GBF1: variants seen among roughly 807,000 people sequenced by gnomAD.
GBF1 encodes golgi brefeldin A resistant guanine nucleotide exchange factor 1.
GBF1 carries 114 observed loss-of-function variants against 210.5 expected under a neutral mutation model. The ratio of observed to expected loss-of-function variants is 0.54; its 90% CI spans 0.47 to 0.63. The LOEUF (loss-of-function observed/expected upper bound fraction) is 0.63. Ranked by LOEUF, GBF1 falls within the 30% of genes least tolerant of loss-of-function variation. The pLI, the probability that GBF1 is intolerant of heterozygous loss-of-function variation, is 0.00. For synonymous variants in GBF1, 850 were observed against 889.2 expected, an observed-to-expected ratio of 0.96 and a Z score of 0.78; for missense variants, 1,851 against 2,357.7, an observed-to-expected ratio of 0.79 and a Z score of 4.45.
At chr10:102,361,983 A>T in intron 14 of GBF1, 71 bp downstream of exon 14, 1 of 760,312 alleles carries the variant, frequency 1.3e-6, no homozygotes, top group Non-Finnish European at 2.0e-6. Flanking sequence ...GGTAGTGAGG[A>T]TGTTACATAC....
intron 33 of GBF1, among the ~76,000 whole-genome samples, chr10:102,379,037 A>G (rs2060682001): frequency 1.3e-5 from 2 of 152,230 alleles, no homozygotes; most frequent in Admixed American, 1.3e-4. Context: ...AAGGATTGTG[A>G]AATACTCAGT....
At chr10:102,231,809 G>C in the GBF1 span, 2 of 1,593,200 alleles carry the variant, frequency 1.3e-6, no homozygotes, top group Admixed American at 3.4e-5. Context: ...CAGGGTGGGG[G>C]CAGGTCACAG....
intron 8 of GBF1, among the ~76,000 whole-genome samples, chr10:102,354,010 A>G (rs954242108): frequency 2.6e-5 from 4 of 152,188 alleles, no homozygotes; most frequent in Admixed American, 6.5e-5. Context: ...TAGAGAGGCT[A>G]TGTCCCAAAT....
intron 3 of GBF1, among the ~76,000 whole-genome samples, chr10:102,266,009 G>A (rs1041958244): frequency 3.3e-5 from 5 of 152,200 alleles, no homozygotes; most frequent in Non-Finnish European, 7.4e-5. Flanking sequence ...AGGCCGAGGC[G>A]GGCAGATCAC....
intron 3 of GBF1, among the ~76,000 whole-genome samples, chr10:102,297,703 A>G (rs185982084): frequency 1.1e-4 from 16 of 152,342 alleles, no homozygotes; most frequent in Admixed American, 3.3e-4. Flanking sequence ...TCCTTTGGAC[A>G]TAGAATTTGA....
At chr10:102,336,010 A>G (rs2057703148) in intron 3 of GBF1, among the ~76,000 whole-genome samples, 2 of 152,166 alleles carry the variant, frequency 1.3e-5, no homozygotes, top group Admixed American at 6.6e-5. Flanking sequence ...ATCTTAAGAA[A>G]TGAACTGGTG....
intron 33 of GBF1, 134 bp from the exon 34 acceptor site, chr10:102,379,150 G>A (rs374867244): frequency 1.4e-6 from 1 of 737,094 alleles, no homozygotes; most frequent in South Asian, 1.8e-5. Flanking sequence ...GGAAAGAGTA[G>A]CGAGGGGGTG....
chr10:102,266,307 C>G (rs558237294), intron 3 of GBF1, among the ~76,000 whole-genome samples: 1 of 152,164 alleles, frequency 6.6e-6, no homozygotes, highest in African/African-American at 2.4e-5. Context: ...ATTGTTCTAG[C>G]TTCTTAGACC....
At chr10:102,362,047 TTTC>T in intron 14 of GBF1, 135 bp downstream of exon 14, 10 of 403,894 alleles carry the variant, frequency 2.5e-5, no homozygotes, top group Non-Finnish European at 4.3e-5. Context: ...TTTCTTTTCT[TTTC>T]TTTTTTTTTT....
intron 3 of GBF1, among the ~76,000 whole-genome samples, chr10:102,301,512 G>A (rs1412506888): frequency 2.6e-5 from 4 of 152,222 alleles, no homozygotes; most frequent in Admixed American, 6.5e-5. Flanking sequence ...CCCAGACGGG[G>A]CGGCTGCCGG....
At chr10:102,312,569 G>GT in intron 3 of GBF1, among the ~76,000 whole-genome samples, 1 of 152,326 alleles carries the variant, frequency 6.6e-6, no homozygotes, top group Admixed American at 6.5e-5. Flanking sequence ...TCCATCCGTT[G>GT]TAAGGGAATG....
chr10:102,290,769 T>C (rs2076369499), intron 3 of GBF1, among the ~76,000 whole-genome samples: 1 of 152,198 alleles, frequency 6.6e-6, no homozygotes, highest in Admixed American at 6.5e-5. Flanking sequence ...CCTCCCAAAG[T>C]GTTGGGATTA....
intron 33 of GBF1, among the ~76,000 whole-genome samples, chr10:102,377,752 T>G (rs1589832331): frequency 6.6e-6 from 1 of 152,206 alleles, no homozygotes; most frequent in South Asian, 2.1e-4. Context: ...TCCATTCCTG[T>G]CCCCAGCTTC....
At position 102,382,141 on chromosome 10, in the gene GBF1, C is replaced by T. The variant is rs1359237055; in HGVS notation, c.5388C>T (p.Pro1796=). The part of the protein sequence containing the change: ...PVASSPSRLS[P]TPDGPPPLAQ... ...CCTCAAGCCCCAGCAGGCTGAGCCCCACCCCCGACGGGCCTCCACCCTTGG... is the reference window on the plus strand; with the variant it reads ...CCTCAAGCCCCAGCAGGCTGAGCCCTACCCCCGACGGGCCTCCACCCTTGG... Residue 1796 remains proline (P), a synonymous_variant, in exon 40 of 40, where the codon CCC becomes CCT. Coordinates refer to ENST00000369983, the MANE Select transcript of GBF1 (RefSeq NM_001377137.1). 1 of 1,611,336 alleles carries T rather than the reference C, an allele frequency of 6.2e-7. No homozygotes were observed. The highest frequency in any genetic ancestry group is 8.5e-7 in the Non-Finnish European group (1 of 1,178,188).
At chr10:102,255,973 T>G (rs980468241) in intron 1 of GBF1, among the ~76,000 whole-genome samples, 2 of 152,196 alleles carry the variant, frequency 1.3e-5, no homozygotes, top group Admixed American at 6.5e-5. Context: ...TAAGACAGAG[T>G]CTCGCTCTGT....
At chr10:102,266,952 G>A (rs1201450827) in intron 3 of GBF1, among the ~76,000 whole-genome samples, 1 of 152,146 alleles carries the variant, frequency 6.6e-6, no homozygotes, top group Non-Finnish European at 1.5e-5. Context: ...TGAATTCAGA[G>A]TCTGAGCTAG....
chr10:102,241,102 C>T (rs887328021), upstream of GBF1, among the ~76,000 whole-genome samples: 2 of 152,178 alleles, frequency 1.3e-5, no homozygotes, highest in African/African-American at 4.8e-5. The surrounding 1 kb of genome is among the most constrained non-coding windows in gnomAD (Gnocchi z 6.7). Flanking sequence ...TTCAAGTCTC[C>T]GGCTTCGTTC....
intron 3 of GBF1, among the ~76,000 whole-genome samples, chr10:102,335,531 GAGATAGGA>G: frequency 6.6e-6 from 1 of 152,216 alleles, no homozygotes; most frequent in Non-Finnish European, 1.5e-5. Flanking sequence ...GCTGAACCGT[GAGATAGGA>G]CACCAGAAAC....
chr10:102,342,723 T>C (rs2058285599), intron 3 of GBF1, among the ~76,000 whole-genome samples: 1 of 152,092 alleles, frequency 6.6e-6, no homozygotes, highest in Non-Finnish European at 1.5e-5. Context: ...TGGGGCAGCC[T>C]AGATCACATC....
Sources: allele counts gnomAD v4.1 joint callset (sites outside exome capture counted in the v4.1 genomes callset), GRCh38; gene constraint gnomAD v4.1.1; non-coding constraint Gnocchi (gnomAD v3.1); transcripts MANE v1.5; gene names NCBI Gene and HGNC (gene_info 2026-07-23, HGNC 2026-07-21).